Variants in ITPR2 observed in about 807,000 individuals in gnomAD.
ITPR2 encodes inositol 1,4,5-trisphosphate-gated calcium channel ITPR2.
ITPR2 carries 207 observed loss-of-function variants against 317.1 expected under a neutral mutation model. That is an observed-to-expected ratio of 0.65 (90% CI 0.58 to 0.73). ITPR2 has a LOEUF of 0.73. Among genes scored for constraint, ITPR2 ranks in the 30% least tolerant of loss-of-function variants. The pLI, the probability that ITPR2 is intolerant of heterozygous loss-of-function variation, is 0.00. For synonymous variants in ITPR2, 1,156 were observed against 1,149.1 expected (o/e 1.01, Z -0.12); for missense variants, 2,613 against 3,284.0 (o/e 0.80, Z 4.99).
At chr12:26,645,970 C>CTTTTTTTTTTTTTT (rs777192053) in intron 21 of ITPR2, among the ~76,000 whole-genome samples, 52 of 119,000 alleles carry the variant, frequency 4.4e-4, no homozygotes, top group East Asian at 7.1e-4. Context: ...TCTTTCTTTC[C>CTTTTTTTTTTTTTT]TTTTTTTTTT....
At chr12:26,656,583 A>C (rs371905313) in intron 18 of ITPR2, 35 bp from the exon 19 acceptor site, 78 of 1,607,278 alleles carry the variant, frequency 4.9e-5, no homozygotes, top group Non-Finnish European at 6.2e-5. Flanking sequence ...TTATTGTCTT[A>C]TCTCAAGGAA....
At chr12:26,589,738 G>A (rs1465737025) in intron 32 of ITPR2, among the ~76,000 whole-genome samples, 1 of 145,348 alleles carries the variant, frequency 6.9e-6, no homozygotes, top group Non-Finnish European at 1.5e-5. Flanking sequence ...AGTGAGCCAA[G>A]ATCGCCCCAC....
intron 2 of ITPR2, among the ~76,000 whole-genome samples, chr12:26,743,975 AT>A (rs1482138677): frequency 6.6e-6 from 1 of 152,198 alleles, no homozygotes. Context: ...CTAGCAACCG[AT>A]TTCTTACCAA....
At chr12:26,342,497 T>A (rs111376924) in intron 55 of ITPR2, among the ~76,000 whole-genome samples, 248 of 3,746 alleles carry the variant, frequency 0.066, 8 homozygotes, top group African/African-American at 0.18. Context: ...GTCACGGCGG[T>A]GGGGGGGGGG....
chr12:26,536,539 A>T (rs1394208710), intron 37 of ITPR2, among the ~76,000 whole-genome samples: 1 of 151,352 alleles, frequency 6.6e-6, no homozygotes, highest in Non-Finnish European at 1.5e-5. Context: ...GTAAGTGAAC[A>T]AGGAAACTGA....
At chr12:26,528,676 G>C (rs1487361829) in intron 37 of ITPR2, among the ~76,000 whole-genome samples, 1 of 152,190 alleles carries the variant, frequency 6.6e-6, no homozygotes, top group Admixed American at 6.5e-5. Context: ...AAGAAGCTCA[G>C]AATATCATGC....
At chr12:26,607,806 C>A (rs182163223) in intron 26 of ITPR2, among the ~76,000 whole-genome samples, 1 of 152,118 alleles carries the variant, frequency 6.6e-6, no homozygotes, top group African/African-American at 2.4e-5. Context: ...GGCGGCCGGG[C>A]GCAGTGGCTC....
intron 26 of ITPR2, among the ~76,000 whole-genome samples, chr12:26,619,576 C>T (rs185393129): frequency 6.6e-6 from 1 of 151,964 alleles, no homozygotes; most frequent in East Asian, 1.9e-4. Context: ...AAACAGGAGA[C>T]CCAGAAATAG....
At chr12:26,734,311 T>G (rs547590009) in intron 2 of ITPR2, among the ~76,000 whole-genome samples, 1 of 152,332 alleles carries the variant, frequency 6.6e-6, no homozygotes, top group Non-Finnish European at 1.5e-5. Context: ...TTGAGGTACA[T>G]TCACTGAAAT....
chr12:26,669,658 A>T (rs1947705574), intron 13 of ITPR2, among the ~76,000 whole-genome samples: 1 of 152,182 alleles, frequency 6.6e-6, no homozygotes. Flanking sequence ...CATCTGAGGT[A>T]CCGGGTTCAT....
chr12:26,692,558 T>G (rs1339361886), intron 10 of ITPR2, among the ~76,000 whole-genome samples: 2 of 152,196 alleles, frequency 1.3e-5, no homozygotes, highest in African/African-American at 2.4e-5. Flanking sequence ...GAGAAGAAAC[T>G]AATGACTGTC....
At chr12:26,734,017 A>G (rs1949073757) in intron 2 of ITPR2, among the ~76,000 whole-genome samples, 2 of 152,234 alleles carry the variant, frequency 1.3e-5, no homozygotes, top group South Asian at 4.1e-4. Context: ...GTATAGATGC[A>G]TAATATATTT....
At chr12:26,415,728 T>C (rs577884383) in intron 50 of ITPR2, among the ~76,000 whole-genome samples, 1 of 152,354 alleles carries the variant, frequency 6.6e-6, no homozygotes, top group South Asian at 2.1e-4. Context: ...TGTGCATCTG[T>C]TGGTTTCAAA....
intron 55 of ITPR2, among the ~76,000 whole-genome samples, chr12:26,370,589 A>G (rs1002470861): frequency 1.3e-5 from 2 of 152,224 alleles, no homozygotes; most frequent in African/African-American, 4.8e-5. Context: ...ACTAAAATAT[A>G]ACTAGCTCCA....
chr12:26,763,766 C>T (rs898653411), intron 2 of ITPR2, among the ~76,000 whole-genome samples: 7 of 152,028 alleles, frequency 4.6e-5, no homozygotes, highest in African/African-American at 1.4e-4. Flanking sequence ...TATATGATTA[C>T]CTGAATGCTA....
intron 8 of ITPR2, among the ~76,000 whole-genome samples, chr12:26,714,543 T>C (rs772833970): frequency 3.2e-4 from 48 of 152,120 alleles, no homozygotes; most frequent in Non-Finnish European, 5.1e-4. Flanking sequence ...TACCTATTAG[T>C]ATATAAATAA....
chr12:26,733,231 T>C (rs1347585032), intron 2 of ITPR2, among the ~76,000 whole-genome samples: 1 of 151,220 alleles, frequency 6.6e-6, no homozygotes, highest in Admixed American at 6.6e-5. Context: ...GCAGAATCGT[T>C]TGAAACCAGG....
intron 49 of ITPR2, among the ~76,000 whole-genome samples, chr12:26,425,587 G>A (rs538097426): frequency 1.3e-5 from 2 of 150,704 alleles, no homozygotes; most frequent in African/African-American, 4.9e-5. Flanking sequence ...AAAACCGCTT[G>A]AACCTGGGAG....
chr12:26,357,888 A>T (rs1323800062), intron 55 of ITPR2, among the ~76,000 whole-genome samples: 3 of 152,232 alleles, frequency 2.0e-5, no homozygotes, highest in Non-Finnish European at 4.4e-5. Flanking sequence ...AAGGTGAGGA[A>T]GCTGCAGGGC....
Sources: gnomAD v4.1 joint callset for allele counts (sites outside exome capture counted in the v4.1 genomes callset) on GRCh38, gnomAD v4.1.1 for gene constraint, MANE v1.5 for transcripts, NCBI Gene and HGNC (gene_info 2026-07-23, HGNC 2026-07-21) for gene names.